Variants in SCN11A observed in about 807,000 individuals in gnomAD.
SCN11A encodes the protein sodium channel protein type 11 subunit alpha.
Under a neutral mutation model 162.2 loss-of-function variants are expected in SCN11A, and 122 were observed. That is an observed-to-expected ratio of 0.75 (90% CI 0.65 to 0.87). The LOEUF (loss-of-function observed/expected upper bound fraction) is 0.87, where lower values mean the gene tolerates loss of function less well. Among genes scored for constraint, SCN11A ranks in the 40% least tolerant of loss-of-function variants. The probability of loss-of-function intolerance (pLI) is 0.00; values close to 1 mark genes in which losing one functional copy is unlikely to be tolerated. For missense variants in SCN11A, 2,015 were observed against 2,181.6 expected (o/e 0.92, Z 1.52); for synonymous variants, 758 against 751.5 (o/e 1.01, Z -0.14).
intron 3 of SCN11A, among the ~76,000 whole-genome samples, chr3:38,955,672 A>C (rs1472794630): frequency 6.6e-6 from 1 of 152,232 alleles, no homozygotes; most frequent in Non-Finnish European, 1.5e-5. Context: ...TTGATCAAAG[A>C]ATTAAATTAG....
At chr3:38,883,815 T>C (rs2065350169) in intron 21 of SCN11A, among the ~76,000 whole-genome samples, 1 of 152,206 alleles carries the variant, frequency 6.6e-6, no homozygotes, top group Non-Finnish European at 1.5e-5. Flanking sequence ...CAGGCACATG[T>C]TTACTATTTT....
At position 38,986,009 on chromosome 3, in the gene SCN11A, G is replaced by A. The variant is rs531798201; in HGVS notation, c.-279-25586C>T. Among the ~76,000 whole-genome samples the A allele has an allele frequency of 8.6e-5, 13 of 151,168 alleles. 1 individual carries two copies. The highest frequency in any genetic ancestry group is 1.2e-4 in the Non-Finnish European group (8 of 67,996). Reference sequence around the variant, plus strand: ...TGGGAAACTGCCATTTCTCCCTACCGGGACCTTTCCACAGTCTGTTTGAGT... The same window carrying A: ...TGGGAAACTGCCATTTCTCCCTACCAGGACCTTTCCACAGTCTGTTTGAGT... On this transcript the variant is annotated intron_variant, in intron 2 of 29. Transcript: ENST00000302328.
intron 23 of SCN11A, among the ~76,000 whole-genome samples, chr3:38,873,915 A>G (rs559755958): frequency 2.0e-4 from 30 of 152,214 alleles, no homozygotes; most frequent in Admixed American, 1.7e-3. Flanking sequence ...AGTACAGCAT[A>G]TAAATCTTCA....
chr3:38,984,994 G>A (rs1175552697), intron 2 of SCN11A, among the ~76,000 whole-genome samples: 1 of 143,908 alleles, frequency 6.9e-6, no homozygotes, highest in Non-Finnish European at 1.5e-5. Context: ...GATGTAGGCA[G>A]GGGCTGGATT....
intron 2 of SCN11A, among the ~76,000 whole-genome samples, chr3:39,030,859 G>C (rs750848577): frequency 1.3e-5 from 2 of 151,974 alleles, no homozygotes; most frequent in Admixed American, 6.6e-5. Context: ...AACTTTTATG[G>C]GAGAAAATAG....
At chr3:38,920,616 G>C (rs1242809241) in intron 10 of SCN11A, among the ~76,000 whole-genome samples, 4 of 151,666 alleles carry the variant, frequency 2.6e-5, no homozygotes, top group Non-Finnish European at 4.4e-5. Context: ...ACTTGAACCT[G>C]GGAGGCAGAG....
chr3:39,032,440 C>T lies in SCN11A; in HGVS notation c.-340G>A, dbSNP rs2125612001. On this transcript the variant is annotated 5_prime_UTR_variant, in exon 2 of 30. Coordinates refer to ENST00000302328, the MANE Select transcript of SCN11A (RefSeq NM_001349253.2). ...GTACGGTGGAAAGACATACTGGATA[C>T]TTTCACTGTGTTCAGCAAATGGATT... 6.6e-6 allele frequency among the ~76,000 whole-genome samples: 1 copy of T among 152,258 alleles called. No individual in the cohort carries two copies. Among genetic ancestry groups the T allele is most frequent in the Non-Finnish European group, 1.5e-5 (1 of 68,018 alleles).
At chr3:39,014,349 G>A (rs1049908158) in intron 2 of SCN11A, among the ~76,000 whole-genome samples, 1 of 152,168 alleles carries the variant, frequency 6.6e-6, no homozygotes, top group Admixed American at 6.5e-5. Context: ...CAGAAGTCAA[G>A]GTTACAGACA....
chr3:39,035,075 C>A (rs981667624), intron 1 of SCN11A, among the ~76,000 whole-genome samples: 4 of 152,044 alleles, frequency 2.6e-5, no homozygotes, highest in African/African-American at 9.7e-5. Context: ...CAATAACATT[C>A]TTCACAGAAA....
At chr3:39,043,099 A>G (rs1189984451) in intron 1 of SCN11A, among the ~76,000 whole-genome samples, 1 of 152,204 alleles carries the variant, frequency 6.6e-6, no homozygotes, top group East Asian at 1.9e-4. Context: ...AGAAATGCAA[A>G]TCAAAACTAC....
In SCN11A at chr3:38,872,277, G is replaced by A. The variant is rs772464060; in HGVS notation, c.3411C>T (p.Leu1137=). ...FIIVIVSVTT[L]INLMELKSFR... ...AGGACTTCAATTCCATTAAGTTAATGAGGGTGGTCACAGAGACCTGATGGG... is the reference window on the plus strand; with the variant it reads ...AGGACTTCAATTCCATTAAGTTAATAAGGGTGGTCACAGAGACCTGATGGG... The change falls in exon 24 of 30, where the codon CTC becomes CTT. Residue 1137 remains leucine (L), a synonymous_variant. Transcript: ENST00000302328. 2.6e-5 allele frequency: 41 copies of A among 1,603,548 alleles called. No homozygotes were observed. The highest frequency in any genetic ancestry group is 3.2e-5 in the Non-Finnish European group (37 of 1,170,698).
intron 2 of SCN11A, among the ~76,000 whole-genome samples, chr3:39,000,858 G>A (rs1277912213): frequency 6.6e-6 from 1 of 152,216 alleles, no homozygotes; most frequent in East Asian, 1.9e-4. Context: ...GTAACATGGC[G>A]AAACCTTGTC....
chr3:38,936,079 A>C (rs2066326599), intron 7 of SCN11A, among the ~76,000 whole-genome samples: 1 of 151,970 alleles, frequency 6.6e-6, no homozygotes, highest in African/African-American at 2.4e-5. Context: ...GCAAATCAAT[A>C]AATGTAATCC....
intron 4 of SCN11A, 47 bp from the exon 5 acceptor site, chr3:38,950,416 C>T (rs1403278976): frequency 8.8e-6 from 14 of 1,593,546 alleles, no homozygotes; most frequent in East Asian, 4.5e-5. Flanking sequence ...CCTCAGGAGG[C>T]GGGAATAAAA....
intron 19 of SCN11A, among the ~76,000 whole-genome samples, chr3:38,890,950 T>C (rs1410813721): frequency 6.6e-6 from 1 of 152,158 alleles, no homozygotes; most frequent in Non-Finnish European, 1.5e-5. Context: ...TTATAGAGTT[T>C]CCACAATATG....
At chr3:39,028,437 C>T (rs951733232) in intron 2 of SCN11A, among the ~76,000 whole-genome samples, 4 of 152,208 alleles carry the variant, frequency 2.6e-5, no homozygotes, top group Non-Finnish European at 5.9e-5. Context: ...CACATAGGAT[C>T]CGTCTTAAAC....
At chr3:39,037,650 A>G (rs2031941775) in intron 1 of SCN11A, among the ~76,000 whole-genome samples, 1 of 152,110 alleles carries the variant, frequency 6.6e-6, no homozygotes. Context: ...AAAAAATTAA[A>G]CTGTACAGGA....
chr3:38,909,964 G>C, intron 12 of SCN11A, 102 bp downstream of exon 12: 1 of 1,087,354 alleles, frequency 9.2e-7, no homozygotes, highest in Non-Finnish European at 1.3e-6. Context: ...GGGGATGAAT[G>C]GTAGTTATAA....
At chr3:38,991,151 A>C (rs2030441233) in intron 2 of SCN11A, among the ~76,000 whole-genome samples, 1 of 152,198 alleles carries the variant, frequency 6.6e-6, no homozygotes, top group African/African-American at 2.4e-5. Flanking sequence ...TAAAAGTTAG[A>C]AAGTTTCACC....
Sources: allele counts gnomAD v4.1 joint callset (sites outside exome capture counted in the v4.1 genomes callset), GRCh38; gene constraint gnomAD v4.1.1; transcripts MANE v1.5; gene names NCBI Gene and HGNC (gene_info 2026-07-23, HGNC 2026-07-21).